The following ZNF429 variants were observed in gnomAD, a reference collection of about 807,000 sequenced individuals.
The protein encoded by ZNF429 is zinc finger protein 429.
ZNF429 carries 53 observed loss-of-function variants against 56.8 expected under a neutral mutation model. That is an observed-to-expected ratio of 0.93 (90% CI 0.75 to 1.17). The LOEUF (loss-of-function observed/expected upper bound fraction) is 1.17. ZNF429 is among the 50% of genes most tolerant of loss of function. The pLI, the probability that ZNF429 is intolerant of heterozygous loss-of-function variation, is 0.00. For synonymous variants in ZNF429, 278 were observed against 264.7 expected (o/e 1.05, Z -0.49); for missense variants, 849 against 788.4 (o/e 1.08, Z -0.92).
chr19:21,536,430 A>G lies in ZNF429; in HGVS notation c.377A>G (p.Tyr126Cys), dbSNP rs1011847537. 5.6e-6 allele frequency: 9 copies of G among 1,613,798 alleles called. No homozygotes were observed. The Admixed American group carries it at 8.3e-5, about 15-fold the overall frequency. The stretch of plus-strand genomic sequence containing the variant: ...AAAACTGTAGGTGATTGTAAGCTAT[A>G]CAAAGGAGGTTATAATGGACTTAAC... ...GYKTVGDCKL[Y>C]KGGYNGLNQC... The change falls in exon 4 of 4, where the codon TAC becomes TGC. Residue 126 changes from tyrosine to cysteine, a missense_variant. Transcript: ENST00000358491.
At chr19:21,515,724 A>G (rs991064599) in intron 1 of ZNF429, among the ~76,000 whole-genome samples, 1 of 152,034 alleles carries the variant, frequency 6.6e-6, no homozygotes, top group African/African-American at 2.4e-5. Context: ...ATCTTCCAGT[A>G]TTTTTTAAGT....
chr19:21,535,312 T>C, intron 3 of ZNF429, among the ~76,000 whole-genome samples: 1 of 133,804 alleles, frequency 7.5e-6, no homozygotes, highest in Non-Finnish European at 1.6e-5. Context: ...TCTTTCTTTC[T>C]TTCTTTCTTT....
intron 1 of ZNF429, among the ~76,000 whole-genome samples, chr19:21,517,148 A>G (rs2032781565): frequency 6.6e-6 from 1 of 152,314 alleles, no homozygotes; most frequent in Non-Finnish European, 1.5e-5. Context: ...CTAAACATGA[A>G]GAATGTTACA....
intron 1 of ZNF429, among the ~76,000 whole-genome samples, chr19:21,516,413 A>G (rs575309644): frequency 2.6e-5 from 4 of 152,204 alleles, no homozygotes; most frequent in Middle Eastern, 3.4e-3. Context: ...TTAGGATTGC[A>G]TTGGCTCTTC....
intron 1 of ZNF429, among the ~76,000 whole-genome samples, chr19:21,516,620 AGAAGT>A (rs754618207): frequency 2.6e-4 from 39 of 152,114 alleles, no homozygotes; most frequent in Non-Finnish European, 5.0e-4. Flanking sequence ...GACTTCTTTA[AGAAGT>A]GTTTTGTAGT....
chr19:21,533,484 A>G, intron 3 of ZNF429, among the ~76,000 whole-genome samples: 7 of 151,082 alleles, frequency 4.6e-5, no homozygotes, highest in African/African-American at 1.7e-4. Context: ...TTGCTCATAC[A>G]TTTAATGTTG....
rs139014529 is a variant in ZNF429, at chr19:21,537,429, G to C, written c.1376G>C (p.Gly459Ala). The C allele has an allele frequency of 1.2e-6, 2 of 1,613,544 alleles. No homozygotes were observed. Among genetic ancestry groups the C allele is most frequent in the Admixed American group, 3.3e-5 (2 of 59,994 alleles). ...AAACCCTATAAATGTAACGAATGTG[G>C]CAAAGCTTTTAACCGGTCCTCACAC... is the stretch of plus-strand genomic sequence containing the variant. Reference protein sequence around the residue: ...EEKPYKCNECGKAFNRSSHLT... With the variant: ...EEKPYKCNECAKAFNRSSHLT... Residue 459 changes from glycine (G) to alanine (A), a missense_variant, in exon 4 of 4, where the codon GGC becomes GCC. By Grantham distance (60) the Gly-to-Ala change is moderately conservative (BLOSUM62 0). Coordinates refer to ENST00000358491, the MANE Select transcript of ZNF429 (RefSeq NM_001001415.4).
chr19:21,535,464 CT>C lies in ZNF429; in HGVS notation c.227-813del. On this transcript the variant is annotated intron_variant, in intron 3 of 3. Transcript: ENST00000358491. Reference sequence around the variant, plus strand: ...TCTTTCTTTCTTTCTTTCTTTCTTTCTTTCTTTCTTTCTTTCTTTCTTTCTT... The same window carrying C: ...TCTTTCTTTCTTTCTTTCTTTCTTTCTTCTTTCTTTCTTTCTTTCTTTCTT... 5.1e-4 allele frequency among the ~76,000 whole-genome samples: 22 copies of C among 42,724 alleles called. 1 individual carries two copies. Among genetic ancestry groups the C allele is most frequent in the Admixed American group, 8.1e-4 (3 of 3,686 alleles). The allele number at this position is 42,724 out of a possible 152,430, so 28.0% of individuals were successfully genotyped here. A position where few individuals can be genotyped will look rare whatever the true frequency, so the allele number is the denominator to read the frequency against.
In ZNF429 at chr19:21,536,680, C is replaced by T. The variant is rs376317669; in HGVS notation, c.627C>T (p.Ala209=). Residue 209 remains alanine (A), a synonymous_variant, in exon 4 of 4, where the codon GCC becomes GCT. Transcript: ENST00000358491. The part of the protein sequence containing the change: ...NTYRCKEFGN[A]FNQSSALTNH... Reference sequence around the variant, plus strand: ...ACAGATGTAAAGAATTTGGCAATGCCTTTAATCAGTCCTCAGCCCTTACTA... The same window carrying T: ...ACAGATGTAAAGAATTTGGCAATGCTTTTAATCAGTCCTCAGCCCTTACTA... 1 of 1,614,036 alleles carries T rather than the reference C, an allele frequency of 6.2e-7. No homozygotes were observed. The highest frequency in any genetic ancestry group is 1.1e-5 in the South Asian group (1 of 91,078).
rs1309688586 is a variant in ZNF429, at chr19:21,540,569, A to G, written c.*2491A>G. Among the ~76,000 whole-genome samples the G allele has an allele frequency of 2.0e-5, 3 of 152,122 alleles. No homozygotes were observed. The highest frequency in any genetic ancestry group is 4.4e-5 in the Non-Finnish European group (3 of 67,968). On this transcript the variant is annotated 3_prime_UTR_variant, in exon 4 of 4. Coordinates refer to ENST00000358491, the MANE Select transcript of ZNF429 (RefSeq NM_001001415.4). Reference sequence around the variant, plus strand: ...ACAACTCAATTATGCACTTTTAGTTATTTTAAAGTGTACAATTAAATTGCT... The same window carrying G: ...ACAACTCAATTATGCACTTTTAGTTGTTTTAAAGTGTACAATTAAATTGCT...
rs2033769650 is a variant in ZNF429 at position 21,537,808 on chromosome 19, A to G, written c.1755A>G (p.Lys585=). The change falls in exon 4 of 4, where the codon AAA becomes AAG. Residue 585 remains lysine (K), a synonymous_variant. Coordinates refer to ENST00000358491, the MANE Select transcript of ZNF429 (RefSeq NM_001001415.4). ...CCTCAAACCTTAGTAGTCATAAGAAAATTCATAGTGGAGAGAAACCCTACA... is the reference window on the plus strand; with the variant it reads ...CCTCAAACCTTAGTAGTCATAAGAAGATTCATAGTGGAGAGAAACCCTACA... ...THSSNLSSHK[K]IHSGEKPYKC... The G allele has an allele frequency of 5.0e-6, 8 of 1,613,618 alleles. No individual in the cohort carries two copies. The highest frequency in any genetic ancestry group is 6.8e-6 in the Non-Finnish European group (8 of 1,179,998).
chr19:21,537,879 C>A lies in ZNF429; in HGVS notation c.1826C>A (p.Thr609Asn). The A allele has an allele frequency of 1.2e-6, 2 of 1,613,936 alleles. No individual in the cohort carries two copies. Among genetic ancestry groups the A allele is most frequent in the Non-Finnish European group, 1.7e-6 (2 of 1,179,974 alleles). ...GKAFNRSSRL[T>N]QHKKIHTREK... ...GCTTTTAATCGGTCCTCAAGACTTACTCAACATAAGAAAATTCATACTAGA... is the reference window on the plus strand; with the variant it reads ...GCTTTTAATCGGTCCTCAAGACTTAATCAACATAAGAAAATTCATACTAGA... Residue 609 changes from threonine to asparagine, a missense_variant, in exon 4 of 4, where the codon ACT becomes AAT. Coordinates refer to ENST00000358491, the MANE Select transcript of ZNF429 (RefSeq NM_001001415.4).
chr19:21,512,587 C>T (rs1056422485), intron 1 of ZNF429, among the ~76,000 whole-genome samples: 14 of 141,596 alleles, frequency 9.9e-5, no homozygotes, highest in South Asian at 4.6e-4. Flanking sequence ...TCACTTGAAC[C>T]GGGGAGGTGG....
intron 1 of ZNF429, 199 bp downstream of exon 1, chr19:21,505,973 T>G: frequency 2.0e-6 from 1 of 497,298 alleles, no homozygotes; most frequent in Non-Finnish European, 3.8e-6. Flanking sequence ...GCGTCCTGTC[T>G]TCCCTCCGCA....
At chr19:21,509,833 C>T (rs2032365983) in intron 1 of ZNF429, among the ~76,000 whole-genome samples, 1 of 151,832 alleles carries the variant, frequency 6.6e-6, no homozygotes, top group South Asian at 2.1e-4. Flanking sequence ...AGTATTGCAA[C>T]AGGAGGAAAT....
chr19:21,531,147 C>T, intron 3 of ZNF429, among the ~76,000 whole-genome samples: 14 of 138,628 alleles, frequency 1.0e-4, no homozygotes, highest in Admixed American at 4.3e-4. Flanking sequence ...AAAAAAAACA[C>T]CCGTCTTGGT....
At chr19:21,535,476 CTTTCTTTCTTTCTTTCTTTCTTCT>C in intron 3 of ZNF429, among the ~76,000 whole-genome samples, 7 of 46,712 alleles carry the variant, frequency 1.5e-4, no homozygotes, top group South Asian at 5.9e-4. Context: ...TTCTTTCTTT[CTTTCTTTCTTTCTTTCTTTCTTCT>C]TTCTTTCTTT....
intron 1 of ZNF429, among the ~76,000 whole-genome samples, chr19:21,508,106 A>G (rs1226353737): frequency 6.6e-6 from 1 of 152,102 alleles, no homozygotes; most frequent in East Asian, 1.9e-4. Flanking sequence ...CAGAAAATTA[A>G]CCAGGCGTGG....
intron 1 of ZNF429, among the ~76,000 whole-genome samples, chr19:21,528,556 T>C (rs1444940435): frequency 6.6e-6 from 1 of 151,876 alleles, no homozygotes; most frequent in Non-Finnish European, 1.5e-5. Flanking sequence ...AATACAAAAA[T>C]TAGCCGGGCG....
Sources: allele counts gnomAD v4.1 joint callset (sites outside exome capture counted in the v4.1 genomes callset), GRCh38; gene constraint gnomAD v4.1.1; transcripts MANE v1.5; gene names NCBI Gene and HGNC (gene_info 2026-07-23, HGNC 2026-07-21).